The following AKAP13 variants were observed in gnomAD, a reference collection of about 807,000 sequenced individuals.
AKAP13 encodes A-kinase anchor protein 13.
AKAP13 carries 80 observed loss-of-function variants against 264.5 expected under a neutral mutation model. That is an observed-to-expected ratio of 0.30 (90% CI 0.25 to 0.36). The LOEUF is 0.36. Ranked by LOEUF, AKAP13 falls within the 10% of genes least tolerant of loss-of-function variation. The probability of loss-of-function intolerance (pLI) is 1.00; values close to 1 mark genes in which losing one functional copy is unlikely to be tolerated. For synonymous variants in AKAP13, 1,380 were observed against 1,250.2 expected (o/e 1.10, Z -2.19); for missense variants, 3,712 against 3,435.2 (o/e 1.08, Z -2.01).
chr15:85,738,132 T>C (rs2088677073), intron 33 of AKAP13, among the ~76,000 whole-genome samples: 1 of 151,866 alleles, frequency 6.6e-6, no homozygotes, highest in Non-Finnish European at 1.5e-5. Flanking sequence ...GCTCGGTGGC[T>C]CACGCCTGTA....
intron 1 of AKAP13, among the ~76,000 whole-genome samples, chr15:85,468,964 G>T (rs1467076608): frequency 7.3e-6 from 1 of 136,708 alleles, no homozygotes; most frequent in Admixed American, 8.0e-5. Context: ...ACCCAGGCTG[G>T]AGTGCAATGG....
Position 85,682,183 on chromosome 15 carries a change from C to G in AKAP13, c.5127C>G (p.Phe1709Leu). The change falls in exon 15 of 37, where the codon TTC (phenylalanine) becomes TTG (leucine). Residue 1709 changes from phenylalanine (F) to leucine (L), a missense_variant. Physicochemically the swap from Phe to Leu is conservative, Grantham distance 22. Around this residue, in one of 3 missense-constraint regions of AKAP13, gnomAD observed 2,759 missense variants for 2,411.7 expected, o/e 1.14. Transcript: ENST00000394518. Reference protein sequence around the residue: ...LDNSRPFHSTFHNTSANLTES... With the variant: ...LDNSRPFHSTLHNTSANLTES... ...ATTCACGGCCCTTCCACAGTACCTT[C>G]CACAATACCAGTGCTAATCTGACTG... is the stretch of plus-strand genomic sequence containing the variant. 12 of 1,613,562 alleles carry G rather than the reference C, an allele frequency of 7.4e-6. No individual in the cohort carries two copies. Among genetic ancestry groups the G allele is most frequent in the Non-Finnish European group, 1.0e-5 (12 of 1,179,924 alleles).
chr15:85,651,149 C>T (rs1049766124), intron 10 of AKAP13, among the ~76,000 whole-genome samples: 17 of 152,126 alleles, frequency 1.1e-4, no homozygotes, highest in African/African-American at 4.1e-4. Context: ...TATATACTTA[C>T]GTATCCATAC....
chr15:85,620,651 A>G (rs919471589), intron 8 of AKAP13, among the ~76,000 whole-genome samples: 9 of 152,110 alleles, frequency 5.9e-5, no homozygotes, highest in Non-Finnish European at 1.0e-4. Context: ...TAGGGGAAGG[A>G]TAGGCAACAT....
chr15:85,508,952 T>G (rs1404431243), intron 2 of AKAP13, among the ~76,000 whole-genome samples: 1 of 152,182 alleles, frequency 6.6e-6, no homozygotes, highest in East Asian at 1.9e-4. Context: ...AAAAGTATCC[T>G]CTCATCCCTA....
chr15:85,714,999 C>A lies in AKAP13; in HGVS notation c.5600-789C>A, dbSNP rs1471556141. Among the ~76,000 whole-genome samples, 16 of 152,216 alleles carry A rather than the reference C, an allele frequency of 1.1e-4. No individual in the cohort carries two copies. The East Asian group carries it at 3.1e-3, about 29-fold the overall frequency. On this transcript the variant is annotated intron_variant, in intron 19 of 36. Transcript: ENST00000394518. ...AAAGAAATTCTTTCAATCTTATTTGCAGCTTAAATATTAAAATATGTAATA... is the reference window on the plus strand; with the variant it reads ...AAAGAAATTCTTTCAATCTTATTTGAAGCTTAAATATTAAAATATGTAATA...
chr15:85,498,745 C>T (rs2075960223), intron 2 of AKAP13, among the ~76,000 whole-genome samples: 1 of 152,126 alleles, frequency 6.6e-6, no homozygotes, highest in Admixed American at 6.5e-5. Flanking sequence ...GAATGACTGC[C>T]ATCTGGACTT....
intron 8 of AKAP13, among the ~76,000 whole-genome samples, chr15:85,627,024 G>A (rs10520597): frequency 0.27 from 41,418 of 151,986 alleles, 5,898 homozygotes; most frequent in Non-Finnish European, 0.32. Context: ...TCCTGTTTGT[G>A]TTTGTAAGAA....
In AKAP13 at chr15:85,676,700, A is replaced by G. The variant is rs1029680707; in HGVS notation, c.5102-5458A>G. Among the ~76,000 whole-genome samples, 55 of 152,308 alleles carry G rather than the reference A, an allele frequency of 3.6e-4. 1 individual carries two copies. The highest frequency in any genetic ancestry group is 2.3e-3 in the Admixed American group (35 of 15,298). ...CATCACTACTAGATGTTTTTAGTAT[A>G]CTTTTAAGGAAGAGAACCCCAGGTA... On this transcript the variant is annotated intron_variant, in intron 14 of 36. Transcript: ENST00000394518.
intron 15 of AKAP13, among the ~76,000 whole-genome samples, chr15:85,682,936 G>A (rs2084678395): frequency 3.0e-5 from 1 of 33,336 alleles, no homozygotes; most frequent in East Asian, 1.0e-3. Flanking sequence ...CAAAGTGCTG[G>A]GATTACAGGC....
intron 8 of AKAP13, chr15:85,635,171 G>A (rs1055852155): frequency 7.5e-6 from 3 of 397,842 alleles, no homozygotes; most frequent in African/African-American, 4.1e-5. Context: ...GTACTATTTT[G>A]CTTTCTTTCA....
At chr15:85,431,509 A>T (rs976497161) in intron 1 of AKAP13, among the ~76,000 whole-genome samples, 5 of 152,230 alleles carry the variant, frequency 3.3e-5, no homozygotes, top group Admixed American at 3.3e-4. Context: ...CCAAGCTTCA[A>T]ATATTGCTTT....
chr15:85,658,439 C>T lies in AKAP13; in HGVS notation c.4746-98C>T, dbSNP rs2083197294. ...CTTGCCTGTGCCATTTCTCTTTGAG[C>T]AGTGTCTCTCTCCCCAGTGTGGTGT... On this transcript the variant is annotated intron_variant, in intron 11 of 36. Coordinates refer to ENST00000394518, the MANE Select transcript of AKAP13 (RefSeq NM_007200.5). 4 of 965,048 alleles carry T rather than the reference C, an allele frequency of 4.1e-6. No individual in the cohort carries two copies. In the South Asian group the frequency reaches 4.9e-5, roughly 12 times the overall value. The allele number at this position is 965,048 out of a possible 1,614,324, so 59.8% of individuals were successfully genotyped here. A position where few individuals can be genotyped will look rare whatever the true frequency, so the allele number is the denominator to read the frequency against.
intron 2 of AKAP13, among the ~76,000 whole-genome samples, chr15:85,487,177 C>G (rs1365941680): frequency 6.6e-6 from 1 of 152,126 alleles, no homozygotes; most frequent in Non-Finnish European, 1.5e-5. Context: ...AAGTGGATGC[C>G]TTAGGATTTT....
intron 6 of AKAP13, among the ~76,000 whole-genome samples, chr15:85,575,542 A>C (rs1420017217): frequency 6.6e-5 from 10 of 152,106 alleles, no homozygotes; most frequent in Non-Finnish European, 1.3e-4. Context: ...AAATACAAAA[A>C]ATTGGCCGGC....
In AKAP13 at chr15:85,563,149, G is replaced by A. The variant is rs536669108; in HGVS notation, c.663-11982G>A. Among the ~76,000 whole-genome samples, 8 of 152,102 alleles carry A rather than the reference G, an allele frequency of 5.3e-5. No individual in the cohort carries two copies. The East Asian group carries it at 1.5e-3, about 29-fold the overall frequency. On this transcript the variant is annotated intron_variant, in intron 5 of 36. Coordinates refer to ENST00000394518, the MANE Select transcript of AKAP13 (RefSeq NM_007200.5). ...TTTTCCCATACCACACTATGATTTA[G>A]CCTCTAGGGAAGTCTCAGTTGAACA...
In AKAP13 at chr15:85,581,356, T is replaced by C. The variant is rs1567138235; in HGVS notation, c.3288T>C (p.Ala1096=). The change falls in exon 7 of 37, where the codon GCT becomes GCC. Residue 1096 remains alanine, a synonymous_variant. Coordinates refer to ENST00000394518, the MANE Select transcript of AKAP13 (RefSeq NM_007200.5). ...CGGTGGATGTTACAGGGGTTAATGC[T>C]CTACAAGGTATGGCTGAGCCCAGAA... ...DVTVDVTGVN[A]LQGMAEPRRE... The C allele has an allele frequency of 2.5e-6, 4 of 1,614,208 alleles. No homozygotes were observed. The highest frequency in any genetic ancestry group is 3.4e-6 in the Non-Finnish European group (4 of 1,180,036).
At chr15:85,612,989 C>A (rs2080730853) in intron 8 of AKAP13, among the ~76,000 whole-genome samples, 1 of 152,052 alleles carries the variant, frequency 6.6e-6, no homozygotes, top group Admixed American at 6.5e-5. Flanking sequence ...AGAAGAAGTT[C>A]TTGTGTCATT....
intron 17 of AKAP13, among the ~76,000 whole-genome samples, chr15:85,695,684 C>T (rs1460505369): frequency 6.6e-6 from 1 of 152,204 alleles, no homozygotes; most frequent in Non-Finnish European, 1.5e-5. Flanking sequence ...ACCATGAGAG[C>T]TCTCACCCGA....
Sources: allele counts gnomAD v4.1 joint callset (sites outside exome capture counted in the v4.1 genomes callset), GRCh38; gene constraint gnomAD v4.1.1; regional missense constraint gnomAD v4.1.1; transcripts MANE v1.5; gene names NCBI Gene and HGNC (gene_info 2026-07-23, HGNC 2026-07-21).